C10orf90: variants seen among roughly 807,000 people sequenced by gnomAD.
C10orf90 encodes chromosome 10 open reading frame 90.
C10orf90 carries 56 observed loss-of-function variants against 62.5 expected under a neutral mutation model. The ratio of observed to expected loss-of-function variants is 0.90; its 90% CI spans 0.72 to 1.12. The LOEUF (loss-of-function observed/expected upper bound fraction) is 1.12, where lower values mean the gene tolerates loss of function less well. Ranked by LOEUF, C10orf90 falls within the 50% of genes most tolerant of loss-of-function variation. The probability of loss-of-function intolerance (pLI) is 0.00; values close to 1 mark genes in which losing one functional copy is unlikely to be tolerated. For missense variants in C10orf90, 970 were observed against 880.4 expected (o/e 1.10, Z -1.29); for synonymous variants, 386 against 340.4 (o/e 1.13, Z -1.47).
rs892941867 is a variant in C10orf90, at chr10:126,611,395, A to G, written c.313+35170T>C. Among the ~76,000 whole-genome samples, 5 of 152,282 alleles carry G rather than the reference A, an allele frequency of 3.3e-5. No individual in the cohort carries two copies. The East Asian group carries it at 9.7e-4, about 29-fold the overall frequency. Reference sequence around the variant, plus strand: ...TGGACCACATTTTATTGATCCGTTTATCAGTTGATGGACATTTGAGCTGTT... The same window carrying G: ...TGGACCACATTTTATTGATCCGTTTGTCAGTTGATGGACATTTGAGCTGTT... On this transcript the variant is annotated intron_variant, in intron 2 of 9. Transcript: ENST00000488181.
chr10:126,457,171 T>C (rs1025337533), intron 7 of C10orf90, among the ~76,000 whole-genome samples: 8 of 152,100 alleles, frequency 5.3e-5, no homozygotes, highest in Non-Finnish European at 8.8e-5. Flanking sequence ...GTACTTTTTG[T>C]AGAGACAGGG....
chr10:126,604,283 C>G (rs1483036514), intron 2 of C10orf90, among the ~76,000 whole-genome samples: 1 of 152,148 alleles, frequency 6.6e-6, no homozygotes, highest in East Asian at 1.9e-4. Flanking sequence ...ACCAGCATCA[C>G]CTGGGCATCA....
intron 2 of C10orf90, among the ~76,000 whole-genome samples, chr10:126,633,040 C>A (rs1845880708): frequency 6.6e-6 from 1 of 152,182 alleles, no homozygotes; most frequent in South Asian, 2.1e-4. Context: ...GCCGTTCATA[C>A]CCAAGCCTAT....
chr10:126,477,964 T>A (rs2133792435), intron 4 of C10orf90, among the ~76,000 whole-genome samples: 1 of 152,316 alleles, frequency 6.6e-6, no homozygotes, highest in Admixed American at 6.5e-5. Flanking sequence ...CCAGCTCTGC[T>A]GACTCACGCC....
At chr10:126,432,241 C>A (rs1272598626) in intron 7 of C10orf90, among the ~76,000 whole-genome samples, 3 of 152,138 alleles carry the variant, frequency 2.0e-5, no homozygotes, top group Non-Finnish European at 4.4e-5. Context: ...CAGCTTTGGG[C>A]ACTTTGAGAG....
chr10:126,607,644 T>C (rs1381323811), intron 2 of C10orf90, among the ~76,000 whole-genome samples: 1 of 152,204 alleles, frequency 6.6e-6, no homozygotes, highest in African/African-American at 2.4e-5. Context: ...TCTTTTCATA[T>C]TGTAAAATAA....
At chr10:126,476,482 G>T (rs944889411) in intron 4 of C10orf90, among the ~76,000 whole-genome samples, 4 of 152,168 alleles carry the variant, frequency 2.6e-5, no homozygotes, top group Admixed American at 2.0e-4. Flanking sequence ...GTCAGTGCAG[G>T]CCAGGCCGCA....
In C10orf90 at chr10:126,504,575, C is replaced by A. The variant is rs758149146; in HGVS notation, c.916G>T (p.Val306Phe). ...CACAACCCAGTGTGGGCCTCGGGAA[C>A]CTTCAGCCGCACCACGGAGCTGTTT... ...SRNSSVVRLK[V>F]PEAHTGLCER... Residue 306 changes from valine (V) to phenylalanine (F), a missense_variant, in exon 4 of 10, where the codon GTT becomes TTT. Coordinates refer to ENST00000488181, the MANE Select transcript of C10orf90 (RefSeq NM_001350921.2). The surrounding 1 kb of genome is among the most constrained non-coding windows in gnomAD (Gnocchi z 4.1). The A allele has an allele frequency of 5.0e-6, 8 of 1,614,168 alleles. No individual in the cohort carries two copies. Among genetic ancestry groups the A allele is most frequent in the African/African-American group, 1.3e-5 (1 of 75,042 alleles).
At chr10:126,579,121 A>T (rs1485894271) in intron 2 of C10orf90, among the ~76,000 whole-genome samples, 2 of 151,894 alleles carry the variant, frequency 1.3e-5, no homozygotes, top group Non-Finnish European at 2.9e-5. Context: ...ATTTAGTGTC[A>T]CTTGCCAGGG....
chr10:126,564,540 C>A (rs1206226474), intron 2 of C10orf90, among the ~76,000 whole-genome samples: 2 of 151,512 alleles, frequency 1.3e-5, no homozygotes, highest in Non-Finnish European at 2.9e-5. Flanking sequence ...CCAGTGTGAA[C>A]CTTGCCTTCA....
chr10:126,565,292 TA>T (rs1844340256), intron 2 of C10orf90, among the ~76,000 whole-genome samples: 1 of 67,058 alleles, frequency 1.5e-5, no homozygotes, highest in African/African-American at 6.1e-5. Flanking sequence ...ATATATTATA[TA>T]TTTATATTAT....
intron 1 of C10orf90, among the ~76,000 whole-genome samples, chr10:126,658,301 T>C (rs1405038944): frequency 1.3e-5 from 2 of 152,236 alleles, no homozygotes; most frequent in Non-Finnish European, 2.9e-5. Context: ...GCTGAAGTGA[T>C]GACACAGAAG....
At chr10:126,565,618 C>G (rs1844368544) in intron 2 of C10orf90, among the ~76,000 whole-genome samples, 1 of 151,304 alleles carries the variant, frequency 6.6e-6, no homozygotes, top group Non-Finnish European at 1.5e-5. Context: ...GGTCCAGGCT[C>G]TGCACTTGTG....
At chr10:126,521,571 G>T in intron 2 of C10orf90, 1 of 780,894 alleles carries the variant, frequency 1.3e-6, no homozygotes, top group Non-Finnish European at 1.8e-6. Flanking sequence ...TTTCTTGTTA[G>T]CAGCAATCGT....
chr10:126,640,170 C>G (rs144377207), intron 2 of C10orf90, among the ~76,000 whole-genome samples: 8 of 152,334 alleles, frequency 5.3e-5, no homozygotes, highest in African/African-American at 1.9e-4. Flanking sequence ...CCGCTGTGCA[C>G]GGCAGGGTGA....
chr10:126,470,755 A>G (rs1344431476), intron 4 of C10orf90, among the ~76,000 whole-genome samples: 1 of 152,082 alleles, frequency 6.6e-6, no homozygotes, highest in African/African-American at 2.4e-5. Context: ...GTCTCAAAAA[A>G]AAAAAAAATA....
In C10orf90 at chr10:126,456,483, T is replaced by G. The variant is rs376733884; in HGVS notation, c.2188+2557A>C. On this transcript the variant is annotated intron_variant, in intron 7 of 9. Coordinates refer to ENST00000488181, the MANE Select transcript of C10orf90 (RefSeq NM_001350921.2). This position sits in a 1 kb window ranked among gnomAD's most constrained non-coding sequence, Gnocchi z 4.9. ...TGGTTACCTTTTATTACATACAATT[T>G]TAAGACTTCCATTTAAAAGAATGTG... Among the ~76,000 whole-genome samples the G allele has an allele frequency of 6.6e-6, 1 of 152,210 alleles. No homozygotes were observed. Among genetic ancestry groups the G allele is most frequent in the African/African-American group, 2.4e-5 (1 of 41,442 alleles).
intron 7 of C10orf90, among the ~76,000 whole-genome samples, chr10:126,444,962 A>G (rs1233020946): frequency 6.6e-6 from 1 of 152,120 alleles, no homozygotes; most frequent in Non-Finnish European, 1.5e-5. Flanking sequence ...ATAATTGGCT[A>G]GCAACATGTA....
chr10:126,434,405 A>C (rs1857784792), intron 7 of C10orf90, among the ~76,000 whole-genome samples: 1 of 152,166 alleles, frequency 6.6e-6, no homozygotes, highest in African/African-American at 2.4e-5. Flanking sequence ...TACAGCTCTG[A>C]TTGCAAACTT....
Sources: allele counts gnomAD v4.1 joint callset (sites outside exome capture counted in the v4.1 genomes callset), GRCh38; gene constraint gnomAD v4.1.1; non-coding constraint Gnocchi (gnomAD v3.1); transcripts MANE v1.5; gene names NCBI Gene and HGNC (gene_info 2026-07-23, HGNC 2026-07-21).